QTMAN: variants seen among roughly 807,000 people sequenced by gnomAD.
QTMAN encodes the protein tRNA-queuosine alpha-mannosyltransferase.
At chr2:144,202,435 G>A in the QTMAN span, among the ~76,000 whole-genome samples, 1 of 152,102 alleles carries the variant, frequency 6.6e-6, no homozygotes, top group Non-Finnish European at 1.5e-5. Context: ...GTCATATGGA[G>A]AACTAACCAT....
the QTMAN span, among the ~76,000 whole-genome samples, chr2:144,190,512 T>C: frequency 6.6e-6 from 1 of 152,170 alleles, no homozygotes; most frequent in African/African-American, 2.4e-5. Flanking sequence ...CTAAAATGCT[T>C]TTACTCATGA....
the QTMAN span, among the ~76,000 whole-genome samples, chr2:144,056,050 T>G: frequency 6.6e-6 from 1 of 152,172 alleles, no homozygotes; most frequent in African/African-American, 2.4e-5. Flanking sequence ...TATTAGCTAA[T>G]ACATGTCAAG....
At chr2:144,174,017 C>A in the QTMAN span, among the ~76,000 whole-genome samples, 2 of 152,162 alleles carry the variant, frequency 1.3e-5, no homozygotes, top group African/African-American at 4.8e-5. Context: ...TCTTATACTG[C>A]CTTCAGAACC....
At chr2:144,102,776 C>A in the QTMAN span, among the ~76,000 whole-genome samples, 49 of 152,316 alleles carry the variant, frequency 3.2e-4, no homozygotes, top group South Asian at 9.5e-3. Flanking sequence ...CTCTCTAGCA[C>A]CCAGCACATT....
chr2:144,295,638 G>C, the QTMAN span, among the ~76,000 whole-genome samples: 1 of 151,988 alleles, frequency 6.6e-6, no homozygotes, highest in African/African-American at 2.4e-5. Context: ...TTTGAGACAG[G>C]GTCTCGCTCC....
the QTMAN span, among the ~76,000 whole-genome samples, chr2:144,051,468 G>A: frequency 6.6e-6 from 1 of 152,046 alleles, no homozygotes; most frequent in Non-Finnish European, 1.5e-5. Flanking sequence ...TGTAGTGAAC[G>A]ATGATCATGC....
the QTMAN span, among the ~76,000 whole-genome samples, chr2:144,092,665 T>C: frequency 6.7e-4 from 102 of 152,118 alleles, no homozygotes; most frequent in Non-Finnish European, 1.9e-4. Context: ...CAACTAACCA[T>C]ATACTGGGGA....
the QTMAN span, among the ~76,000 whole-genome samples, chr2:143,978,220 T>C: frequency 6.6e-6 from 1 of 152,198 alleles, no homozygotes; most frequent in African/African-American, 2.4e-5. Context: ...TCTCCTACTT[T>C]TGACAACACT....
the QTMAN span, among the ~76,000 whole-genome samples, chr2:144,219,146 T>C: frequency 1.3e-5 from 2 of 152,180 alleles, no homozygotes; most frequent in Non-Finnish European, 2.9e-5. Flanking sequence ...TCTTCTTCTT[T>C]TGAGATGGAG....
chr2:144,234,066 C>T, the QTMAN span, among the ~76,000 whole-genome samples: 74 of 152,150 alleles, frequency 4.9e-4, no homozygotes, highest in South Asian at 3.1e-3. Context: ...GTGTCAGCTG[C>T]TATTCTGACC....
chr2:144,212,601 G>A, the QTMAN span, among the ~76,000 whole-genome samples: 1 of 152,152 alleles, frequency 6.6e-6, no homozygotes. Context: ...TTTCTGCATG[G>A]CGCTCAGAAT....
the QTMAN span, among the ~76,000 whole-genome samples, chr2:144,258,781 A>G: frequency 6.6e-4 from 101 of 152,314 alleles, no homozygotes; most frequent in African/African-American, 2.3e-3. Flanking sequence ...AAAAAAAATA[A>G]AGAAATGGAG....
the QTMAN span, among the ~76,000 whole-genome samples, chr2:144,322,302 G>A: frequency 6.6e-6 from 1 of 152,120 alleles, no homozygotes; most frequent in East Asian, 1.9e-4. Context: ...TATGTGGCTT[G>A]TAATGATCAA....
the QTMAN span, among the ~76,000 whole-genome samples, chr2:144,035,654 T>C: frequency 1.3e-5 from 2 of 152,316 alleles, no homozygotes; most frequent in Non-Finnish European, 2.9e-5. Flanking sequence ...TGTAGAAACT[T>C]TGAGGCACAC....
At chr2:144,284,281 A>C in the QTMAN span, among the ~76,000 whole-genome samples, 2 of 152,112 alleles carry the variant, frequency 1.3e-5, no homozygotes, top group Non-Finnish European at 2.9e-5. Context: ...ATAAAGACAA[A>C]TAATATTCAT....
the QTMAN span, among the ~76,000 whole-genome samples, chr2:143,956,772 ATTAAT>A: frequency 6.6e-6 from 1 of 151,634 alleles, no homozygotes; most frequent in Non-Finnish European, 1.5e-5. Flanking sequence ...TCCATCATGC[ATTAAT>A]TTAATCATTT....
the QTMAN span, among the ~76,000 whole-genome samples, chr2:144,310,905 A>G: frequency 6.6e-6 from 1 of 150,434 alleles, no homozygotes; most frequent in African/African-American, 2.4e-5. Context: ...AGAAATAAAG[A>G]TTTTTTTTTT....
chr2:144,109,507 C>A, the QTMAN span, among the ~76,000 whole-genome samples: 2 of 152,182 alleles, frequency 1.3e-5, no homozygotes, highest in Admixed American at 6.5e-5. Context: ...ATGTTCAGAA[C>A]ACCAAAAGCA....
chr2:144,070,779 G>C, the QTMAN span, among the ~76,000 whole-genome samples: 1 of 152,064 alleles, frequency 6.6e-6, no homozygotes, highest in Non-Finnish European at 1.5e-5. Flanking sequence ...CCAGTATTAT[G>C]TAATTTAACC....
Sources: gnomAD v4.1 joint callset for allele counts (sites outside exome capture counted in the v4.1 genomes callset) on GRCh38, gnomAD v4.1.1 for gene constraint, MANE v1.5 for transcripts, NCBI Gene and HGNC (gene_info 2026-07-23, HGNC 2026-07-21) for gene names.